The following DGKG variants were observed in gnomAD, a reference collection of about 807,000 sequenced individuals.
DGKG encodes diacylglycerol kinase gamma.
In DGKG, 78 loss-of-function variants were observed where a neutral mutation model predicts 105.3. The ratio of observed to expected loss-of-function variants is 0.74; its 90% confidence interval spans 0.62 to 0.89. The LOEUF (loss-of-function observed/expected upper bound fraction) is 0.89. DGKG is among the 40% of genes least tolerant of loss of function. DGKG has a pLI of 0.00. For missense variants in DGKG, 958 were observed against 1,020.1 expected (o/e 0.94, Z 0.83); for synonymous variants, 346 against 367.1 (o/e 0.94, Z 0.66).
At chr3:186,152,754 C>A (rs1390926019) in intron 24 of DGKG, among the ~76,000 whole-genome samples, 1 of 152,164 alleles carries the variant, frequency 6.6e-6, no homozygotes, top group Non-Finnish European at 1.5e-5. Flanking sequence ...ACCTCCACCT[C>A]CCAGGTTCAA....
At chr3:186,322,409 G>T (rs1344214547) in intron 1 of DGKG, among the ~76,000 whole-genome samples, 2 of 152,106 alleles carry the variant, frequency 1.3e-5, no homozygotes, top group African/African-American at 4.8e-5. Flanking sequence ...GGAACAATAG[G>T]TACTGGGGCC....
At chr3:186,280,356 A>T (rs889716674) in intron 8 of DGKG, among the ~76,000 whole-genome samples, 8 of 152,360 alleles carry the variant, frequency 5.3e-5, no homozygotes, top group Middle Eastern at 6.8e-3. Flanking sequence ...ATTGAGGAAG[A>T]TCTCTACAAT....
chr3:186,299,403 A>G (rs1463800794), intron 3 of DGKG, among the ~76,000 whole-genome samples: 1 of 152,194 alleles, frequency 6.6e-6, no homozygotes, highest in Non-Finnish European at 1.5e-5. Flanking sequence ...AAAAGCGAGT[A>G]ATGGCCTCCC....
chr3:186,260,451 C>T lies in DGKG; in HGVS notation c.1412G>A (p.Gly471Glu), dbSNP rs1399092718. Reference sequence around the variant, plus strand: ...GTGATCTCCATACCCTGGAGTAGGCCCCCCATTGTCCAGGTTGAAAACTTG... The same window carrying T: ...GTGATCTCCATACCCTGGAGTAGGCTCCCCATTGTCCAGGTTGAAAACTTG... ...PKQVFNLDNG[G>E]PTPGLNFFRD... Residue 471 changes from glycine (G) to glutamate (E), a missense_variant, in exon 16 of 25, where the codon GGG becomes GAG. Around this residue, in one of 2 missense-constraint regions of DGKG, gnomAD observed 643 missense variants for 619.5 expected, o/e 1.04. Transcript: ENST00000265022. 2 of 1,611,252 alleles carry T rather than the reference C, an allele frequency of 1.2e-6. No homozygotes were observed. The highest frequency in any genetic ancestry group is 2.2e-5 in the East Asian group (1 of 44,884).
intron 1 of DGKG, among the ~76,000 whole-genome samples, chr3:186,328,881 A>G (rs968422784): frequency 2.6e-5 from 4 of 152,088 alleles, no homozygotes; most frequent in African/African-American, 9.7e-5. Context: ...GCCCGGCCTT[A>G]CACCATTCTT....
intron 23 of DGKG, among the ~76,000 whole-genome samples, chr3:186,164,597 C>G (rs966149281): frequency 1.3e-5 from 2 of 152,180 alleles, no homozygotes; most frequent in African/African-American, 4.8e-5. Context: ...ATAAAAACAC[C>G]AAGGAGTTGG....
At chr3:186,279,998 T>C (rs146121178) in intron 8 of DGKG, 25 bp from the exon 9 acceptor site, 65 of 1,613,086 alleles carry the variant, frequency 4.0e-5, no homozygotes, top group Middle Eastern at 1.7e-4. Context: ...GAGCAATCAT[T>C]GTCCATTTTC....
At chr3:186,224,614 C>T (rs1719759842) in intron 20 of DGKG, among the ~76,000 whole-genome samples, 1 of 152,166 alleles carries the variant, frequency 6.6e-6, no homozygotes, top group South Asian at 2.1e-4. Flanking sequence ...GAAATACTTT[C>T]TCTTGCTTTT....
intron 14 of DGKG, among the ~76,000 whole-genome samples, chr3:186,264,560 G>A (rs961481021): frequency 3.9e-5 from 6 of 152,108 alleles, no homozygotes; most frequent in African/African-American, 1.2e-4. Flanking sequence ...CACTGCGCCC[G>A]GCCTTTTACT....
At chr3:186,188,453 C>T (rs200697757) in intron 21 of DGKG, 74 bp from the exon 22 acceptor site, 57 of 1,360,658 alleles carry the variant, frequency 4.2e-5, no homozygotes, top group Middle Eastern at 2.5e-4. Context: ...TGTGTGTGTG[C>T]GTGCGTGTGT....
chr3:186,277,400 G>A (rs1722636259), intron 9 of DGKG, among the ~76,000 whole-genome samples: 1 of 152,210 alleles, frequency 6.6e-6, no homozygotes, highest in South Asian at 2.1e-4. Flanking sequence ...ACTAGCCCAA[G>A]CCCACATAGA....
chr3:186,220,458 A>G (rs185237448), intron 20 of DGKG, among the ~76,000 whole-genome samples: 29 of 152,076 alleles, frequency 1.9e-4, no homozygotes, highest in Non-Finnish European at 3.8e-4. Context: ...TCCAGCCCAT[A>G]CTCCTTACTG....
chr3:186,349,476 G>T (rs1726521270), intron 1 of DGKG, among the ~76,000 whole-genome samples: 2 of 152,178 alleles, frequency 1.3e-5, no homozygotes, highest in Non-Finnish European at 2.9e-5. Context: ...CATGTTGATA[G>T]TTCCTGCTAT....
At chr3:186,309,058 A>C (rs1383710827) in intron 2 of DGKG, among the ~76,000 whole-genome samples, 2 of 152,206 alleles carry the variant, frequency 1.3e-5, no homozygotes, top group Non-Finnish European at 2.9e-5. Context: ...ATAGCTTCCT[A>C]AACATTTGTT....
intron 21 of DGKG, among the ~76,000 whole-genome samples, chr3:186,189,224 G>T (rs1717790122): frequency 6.6e-6 from 1 of 152,198 alleles, no homozygotes; most frequent in Admixed American, 6.5e-5. Context: ...TATCATAAAT[G>T]CAATTTTGGC....
At chr3:186,271,404 A>C (rs1321620082) in intron 11 of DGKG, among the ~76,000 whole-genome samples, 1 of 152,090 alleles carries the variant, frequency 6.6e-6, no homozygotes, top group Non-Finnish European at 1.5e-5. Context: ...CAAAATACCC[A>C]ATAACCAGCA....
chr3:186,321,450 A>G (rs1014540370), intron 1 of DGKG, among the ~76,000 whole-genome samples: 1 of 152,230 alleles, frequency 6.6e-6, no homozygotes, highest in Non-Finnish European at 1.5e-5. Flanking sequence ...TCCTTCAGTT[A>G]TACACCCATG....
At chr3:186,281,487 G>A (rs745345715) in intron 7 of DGKG, among the ~76,000 whole-genome samples, 4 of 152,228 alleles carry the variant, frequency 2.6e-5, no homozygotes, top group Admixed American at 2.0e-4. Context: ...TTAGGCACCA[G>A]TTAAGATGTT....
At chr3:186,212,260 G>A (rs1301609227) in intron 20 of DGKG, among the ~76,000 whole-genome samples, 1 of 152,128 alleles carries the variant, frequency 6.6e-6, no homozygotes, top group Non-Finnish European at 1.5e-5. Flanking sequence ...CATTACTCAG[G>A]CAGAACTCTC....
Sources: gnomAD v4.1 joint callset for allele counts (sites outside exome capture counted in the v4.1 genomes callset) on GRCh38, gnomAD v4.1.1 for gene constraint, gnomAD v4.1.1 regional missense constraint, MANE v1.5 for transcripts, NCBI Gene and HGNC (gene_info 2026-07-23, HGNC 2026-07-21) for gene names.